Variants in DLG2 observed in about 807,000 individuals in gnomAD.
DLG2 encodes the protein discs large MAGUK scaffold protein 2.
Under a neutral mutation model 132.5 loss-of-function variants are expected in DLG2, and 45 were observed. The observed-to-expected ratio is 0.34, with a 90% CI of 0.27 to 0.44. The LOEUF is 0.44. Ranked by LOEUF, DLG2 falls within the 20% of genes least tolerant of loss-of-function variation. The probability of loss-of-function intolerance (pLI) is 1.00; values close to 1 mark genes in which losing one functional copy is unlikely to be tolerated. For synonymous variants in DLG2, 424 were observed against 419.6 expected (o/e 1.01, Z -0.13); for missense variants, 1,045 against 1,196.9 (o/e 0.87, Z 1.87).
chr11:84,364,068 G>A (rs2098667194), intron 7 of DLG2, among the ~76,000 whole-genome samples: 1 of 152,050 alleles, frequency 6.6e-6, no homozygotes, highest in African/African-American at 2.4e-5. Context: ...TAGCTTGATG[G>A]GGATGGCATT....
At chr11:84,755,085 A>T (rs1032419705) in intron 6 of DLG2, among the ~76,000 whole-genome samples, 2 of 152,244 alleles carry the variant, frequency 1.3e-5, no homozygotes, top group Non-Finnish European at 2.9e-5. Context: ...ATCATATTCA[A>T]CATCAAAGCA....
At chr11:84,517,917 A>G (rs2099278652) in intron 7 of DLG2, among the ~76,000 whole-genome samples, 1 of 152,002 alleles carries the variant, frequency 6.6e-6, no homozygotes, top group South Asian at 2.1e-4. Flanking sequence ...CAAATATAGC[A>G]TGATCTTACT....
At chr11:85,333,776 GC>G (rs2081941193) in intron 3 of DLG2, among the ~76,000 whole-genome samples, 1 of 152,176 alleles carries the variant, frequency 6.6e-6, no homozygotes, top group Non-Finnish European at 1.5e-5. Flanking sequence ...CAGGGATAAA[GC>G]CTACCTGATT....
intron 3 of DLG2, among the ~76,000 whole-genome samples, chr11:85,342,727 G>A (rs534359475): frequency 3.9e-5 from 6 of 152,202 alleles, no homozygotes; most frequent in South Asian, 2.1e-4. Flanking sequence ...CGCCACAAAC[G>A]CATGAGTAAT....
intron 14 of DLG2, among the ~76,000 whole-genome samples, chr11:83,946,684 T>C (rs2084046041): frequency 6.6e-6 from 1 of 152,234 alleles, no homozygotes; most frequent in South Asian, 2.1e-4. Flanking sequence ...ATTAAGTTCT[T>C]TTTTCAAGGG....
chr11:85,624,528 G>A (rs764468285), intron 2 of DLG2, among the ~76,000 whole-genome samples: 1 of 152,098 alleles, frequency 6.6e-6, no homozygotes, highest in Non-Finnish European at 1.5e-5. Flanking sequence ...AGGTGACAGA[G>A]GACAGTGATC....
intron 6 of DLG2, among the ~76,000 whole-genome samples, chr11:84,911,366 T>C (rs1317109196): frequency 6.6e-6 from 1 of 151,770 alleles, no homozygotes; most frequent in East Asian, 1.9e-4. Context: ...ATTAAGGGAG[T>C]TTTATGACTT....
chr11:85,553,661 C>T (rs150192908), intron 3 of DLG2, among the ~76,000 whole-genome samples: 105 of 151,592 alleles, frequency 6.9e-4, no homozygotes, highest in African/African-American at 2.4e-3. Context: ...TAATAATCAA[C>T]ATTCCTTTCA....
intron 6 of DLG2, among the ~76,000 whole-genome samples, chr11:84,715,576 T>G (rs903823923): frequency 6.6e-6 from 1 of 152,136 alleles, no homozygotes; most frequent in Non-Finnish European, 1.5e-5. Flanking sequence ...TGAGTTTGTA[T>G]GTGTTCTACT....
chr11:84,947,920 T>C (rs1370489263), intron 6 of DLG2, among the ~76,000 whole-genome samples: 1 of 152,158 alleles, frequency 6.6e-6, no homozygotes, highest in Non-Finnish European at 1.5e-5. Flanking sequence ...AGGCAAACTG[T>C]TATTAAATAA....
At chr11:85,555,891 T>C (rs1318354039) in intron 3 of DLG2, among the ~76,000 whole-genome samples, 2 of 151,906 alleles carry the variant, frequency 1.3e-5, no homozygotes, top group African/African-American at 4.8e-5. Flanking sequence ...TCATCAAAAT[T>C]GTCTATACCT....
At chr11:85,515,236 C>A (rs2094148849) in intron 3 of DLG2, among the ~76,000 whole-genome samples, 1 of 151,920 alleles carries the variant, frequency 6.6e-6, no homozygotes, top group African/African-American at 2.4e-5. Context: ...ATTCTAATTT[C>A]AAAACTATAT....
intron 7 of DLG2, among the ~76,000 whole-genome samples, chr11:84,402,470 C>G (rs1341936055): frequency 6.6e-6 from 1 of 151,860 alleles, no homozygotes; most frequent in Non-Finnish European, 1.5e-5. Flanking sequence ...AAATTTTGCT[C>G]TTTGTGGTAC....
intron 6 of DLG2, among the ~76,000 whole-genome samples, chr11:84,677,489 T>C (rs563970697): frequency 5.8e-4 from 89 of 152,188 alleles, no homozygotes; most frequent in African/African-American, 2.1e-3. Context: ...TACCTAGAAA[T>C]GAGAACTACT....
chr11:84,240,446 A>G (rs139413721), intron 8 of DLG2, among the ~76,000 whole-genome samples: 1 of 152,370 alleles, frequency 6.6e-6, no homozygotes, highest in Non-Finnish European at 1.5e-5. Flanking sequence ...GCTGAGGGAA[A>G]AGGGTCAGAG....
intron 6 of DLG2, among the ~76,000 whole-genome samples, chr11:84,798,593 G>T (rs956994872): frequency 6.6e-6 from 1 of 151,858 alleles, no homozygotes; most frequent in Non-Finnish European, 1.5e-5. Context: ...TCTGGCCCAG[G>T]GAATGTCCAG....
chr11:84,957,588 C>T (rs1209887815), intron 6 of DLG2, among the ~76,000 whole-genome samples: 1 of 152,140 alleles, frequency 6.6e-6, no homozygotes, highest in African/African-American at 2.4e-5. Flanking sequence ...CCCTCTCAGG[C>T]AAAATGGGTT....
chr11:85,431,745 T>C (rs959310521), intron 3 of DLG2, among the ~76,000 whole-genome samples: 1 of 152,226 alleles, frequency 6.6e-6, no homozygotes, highest in Non-Finnish European at 1.5e-5. Context: ...CTGCTAGCTC[T>C]GAGGAATCTG....
rs201695960 is a variant in DLG2, at chr11:84,615,837, AAAAC to A, written c.358-81110_358-81107del. On this transcript the variant is annotated intron_variant, in intron 6 of 27. Coordinates refer to ENST00000376104, the MANE Select transcript of DLG2 (RefSeq NM_001142699.3). ...AAACGGTAAAAAAAAAAAAAAAAAA[AAAAC>A]TTCATTCCAGTACCCCATGTAATAT... is the stretch of plus-strand genomic sequence containing the variant. Among the ~76,000 whole-genome samples the A allele has an allele frequency of 4.1e-3, 605 of 147,958 alleles. 38 individuals carry two copies. Among genetic ancestry groups the A allele is most frequent in the African/African-American group, 0.014 (548 of 39,772 alleles).
Sources: allele counts gnomAD v4.1 joint callset (sites outside exome capture counted in the v4.1 genomes callset), GRCh38; gene constraint gnomAD v4.1.1; transcripts MANE v1.5; gene names NCBI Gene and HGNC (gene_info 2026-07-23, HGNC 2026-07-21).